The following GRHL2 variants were observed in gnomAD, a reference collection of about 807,000 sequenced individuals.
GRHL2 encodes grainyhead-like protein 2 homolog.
GRHL2 carries 21 observed loss-of-function variants against 83.8 expected under a neutral mutation model. That is an observed-to-expected ratio of 0.25 (90% CI 0.18 to 0.36). The LOEUF (loss-of-function observed/expected upper bound fraction) is 0.36, where lower values mean the gene tolerates loss of function less well. Among genes scored for constraint, GRHL2 ranks in the 10% least tolerant of loss-of-function variants. The pLI is 1.00. For missense variants in GRHL2, 623 were observed against 781.8 expected (o/e 0.80, Z 2.42); for synonymous variants, 280 against 278.9 (o/e 1.00, Z -0.04).
chr8:101,503,826 A>T (rs536734139), intron 1 of GRHL2, among the ~76,000 whole-genome samples: 5 of 152,326 alleles, frequency 3.3e-5, no homozygotes, highest in Admixed American at 2.0e-4. Flanking sequence ...TTATAGGCAT[A>T]AAAAGATGAA....
intron 8 of GRHL2, among the ~76,000 whole-genome samples, chr8:101,611,202 TC>T (rs2130347381): frequency 6.6e-6 from 1 of 151,302 alleles, no homozygotes; most frequent in Non-Finnish European, 1.5e-5. Flanking sequence ...TCTGAAGTCG[TC>T]CTTGCCTATG....
intron 9 of GRHL2, among the ~76,000 whole-genome samples, chr8:101,622,129 C>A (rs1253742354): frequency 6.6e-6 from 1 of 151,996 alleles, no homozygotes; most frequent in Non-Finnish European, 1.5e-5. Flanking sequence ...ATTCTTTGGG[C>A]ATCTAAGTAA....
At chr8:101,501,516 G>A (rs1810228400) in intron 1 of GRHL2, among the ~76,000 whole-genome samples, 1 of 152,194 alleles carries the variant, frequency 6.6e-6, no homozygotes, top group African/African-American at 2.4e-5. Context: ...GAAAGGAGAG[G>A]ACAGAAGGGA....
chr8:101,631,248 T>A (rs147321660), intron 9 of GRHL2, among the ~76,000 whole-genome samples: 250 of 152,336 alleles, frequency 1.6e-3, no homozygotes, highest in African/African-American at 5.7e-3. Context: ...TCTCCATGCC[T>A]AGGAATAAAT....
At chr8:101,522,109 T>C (rs1460971211) in intron 1 of GRHL2, among the ~76,000 whole-genome samples, 1 of 152,124 alleles carries the variant, frequency 6.6e-6, no homozygotes, top group Non-Finnish European at 1.5e-5. Context: ...TTTTTAAATA[T>C]ATATTTTTAT....
intron 1 of GRHL2, among the ~76,000 whole-genome samples, chr8:101,515,761 T>G (rs1220295703): frequency 6.6e-6 from 1 of 152,120 alleles, no homozygotes; most frequent in African/African-American, 2.4e-5. Flanking sequence ...CATTACAAAC[T>G]CCTCCTGTCT....
At chr8:101,541,147 GGTGTGTGTGTGTGTGT>G (rs56763374) in intron 1 of GRHL2, among the ~76,000 whole-genome samples, 45 of 144,352 alleles carry the variant, frequency 3.1e-4, no homozygotes, top group South Asian at 1.6e-3. Flanking sequence ...ACTATTTCAT[GGTGTGTGTGTGTGTGT>G]GTGTGTGTGT....
the GRHL2 span, among the ~76,000 whole-genome samples, chr8:101,675,952 A>C: frequency 6.6e-6 from 1 of 152,178 alleles, no homozygotes; most frequent in African/African-American, 2.4e-5. Context: ...AAAAACAAGC[A>C]ATGGAGAAAG....
intron 1 of GRHL2, among the ~76,000 whole-genome samples, chr8:101,513,027 A>G (rs2130014760): frequency 6.6e-6 from 1 of 152,130 alleles, no homozygotes; most frequent in African/African-American, 2.4e-5. Context: ...GTGTACAAAC[A>G]TTCAGTTTAT....
chr8:101,553,687 GCA>G (rs1811433982), intron 3 of GRHL2, among the ~76,000 whole-genome samples: 1 of 148,114 alleles, frequency 6.8e-6, no homozygotes, highest in Non-Finnish European at 1.5e-5. Flanking sequence ...GAGTGTAGTG[GCA>G]CCATCTTGGC....
chr8:101,666,875 C>T lies in GRHL2; in HGVS notation c.*172C>T. On this transcript the variant is annotated 3_prime_UTR_variant, in exon 16 of 16. Transcript: ENST00000646743. The stretch of plus-strand genomic sequence containing the variant: ...CAGGCCCCACTGTCGGTGTGCTTGG[C>T]CCATCCACTGGCACCTACCACGGAG... The T allele has an allele frequency of 1.5e-6, 1 of 668,710 alleles. No homozygotes were observed. Among genetic ancestry groups the T allele is most frequent in the Non-Finnish European group, 2.7e-6 (1 of 366,160 alleles). The allele number at this position is 668,710 out of a possible 1,614,324, so 41.4% of individuals were successfully genotyped here.
the GRHL2 span, among the ~76,000 whole-genome samples, chr8:101,678,123 C>T: frequency 1.3e-5 from 2 of 152,166 alleles, no homozygotes; most frequent in African/African-American, 2.4e-5. Context: ...CAGCTCCCAG[C>T]GTGAGCGACG....
intron 14 of GRHL2, among the ~76,000 whole-genome samples, chr8:101,660,615 G>GCTT (rs149860767): frequency 0.026 from 3,945 of 151,878 alleles, 138 homozygotes; most frequent in African/African-American, 0.076. Context: ...TCATTTTGTG[G>GCTT]CTTCTTACTT....
intron 8 of GRHL2, among the ~76,000 whole-genome samples, chr8:101,600,650 C>T (rs1209543811): frequency 6.6e-6 from 1 of 152,236 alleles, no homozygotes; most frequent in Non-Finnish European, 1.5e-5. Flanking sequence ...TCTGACCTCT[C>T]TGGGCCTCGG....
chr8:101,577,653 A>G, intron 7 of GRHL2, 134 bp downstream of exon 7: 1 of 710,734 alleles, frequency 1.4e-6, no homozygotes, highest in East Asian at 2.7e-5. Flanking sequence ...AGTCTATGTC[A>G]GGACATTTAG....
intron 8 of GRHL2, 24 bp from the exon 9 acceptor site, chr8:101,619,515 A>G (rs754014216): frequency 1.2e-6 from 2 of 1,612,372 alleles, no homozygotes; most frequent in South Asian, 2.2e-5. Context: ...TGACTTGTGA[A>G]CTTTTTCTTT....
chr8:101,557,709 T>C (rs1811516545), intron 3 of GRHL2, among the ~76,000 whole-genome samples: 2 of 152,224 alleles, frequency 1.3e-5, no homozygotes, highest in South Asian at 2.1e-4. Flanking sequence ...CCTCCTTTTT[T>C]CATGCCTTTG....
chr8:101,520,132 C>T (rs763377867), intron 1 of GRHL2, among the ~76,000 whole-genome samples: 17 of 152,192 alleles, frequency 1.1e-4, no homozygotes, highest in Non-Finnish European at 2.2e-4. Context: ...TTTATACAGA[C>T]TTTCCCATTA....
Position 101,587,412 on chromosome 8 carries a change from A to G in GRHL2, c.1003+9893A>G, listed in dbSNP as rs143132634. On this transcript the variant is annotated intron_variant, in intron 7 of 15. Transcript: ENST00000646743. ...TGATGAGATTTCAAAATCAAAACACACACACATACTCACACGCACAGATAA... is the reference window on the plus strand; with the variant it reads ...TGATGAGATTTCAAAATCAAAACACGCACACATACTCACACGCACAGATAA... Among the ~76,000 whole-genome samples the G allele has an allele frequency of 1.4e-3, 210 of 152,350 alleles. 1 individual carries two copies. Among genetic ancestry groups the G allele is most frequent in the African/African-American group, 4.7e-3 (195 of 41,588 alleles).
Sources: allele counts gnomAD v4.1 joint callset (sites outside exome capture counted in the v4.1 genomes callset), GRCh38; gene constraint gnomAD v4.1.1; transcripts MANE v1.5; gene names NCBI Gene and HGNC (gene_info 2026-07-23, HGNC 2026-07-21).